Variants in TMPRSS11F observed in about 807,000 individuals in gnomAD.
The protein encoded by TMPRSS11F is transmembrane protease serine 11F.
In TMPRSS11F, 47 loss-of-function variants were observed where a neutral mutation model predicts 60.2. The ratio of observed to expected loss-of-function variants is 0.78; its 90% CI spans 0.62 to 1.00. The LOEUF (loss-of-function observed/expected upper bound fraction) is 1.00, where lower values mean the gene tolerates loss of function less well. Ranked by LOEUF, TMPRSS11F falls within the 50% of genes least tolerant of loss-of-function variation. TMPRSS11F has a pLI of 0.00. For synonymous variants in TMPRSS11F, 166 were observed against 167.3 expected, an observed-to-expected ratio of 0.99 and a Z score of 0.06; for missense variants, 519 against 522.9, an observed-to-expected ratio of 0.99 and a Z score of 0.07.
intron 1 of TMPRSS11F, among the ~76,000 whole-genome samples, chr4:68,100,545 G>A (rs570737753): frequency 6.2e-4 from 95 of 152,224 alleles, no homozygotes; most frequent in African/African-American, 2.3e-3. Flanking sequence ...TTGATCAGCT[G>A]TGGGACAAGA....
intron 9 of TMPRSS11F, 95 bp downstream of exon 9, chr4:68,059,231 C>T (rs996051865): frequency 4.6e-6 from 6 of 1,292,578 alleles, no homozygotes; most frequent in South Asian, 4.4e-5. Context: ...GTAAGAGATG[C>T]CATTTTTTTT....
chr4:68,080,472 A>T (rs374004037), intron 3 of TMPRSS11F: 1 of 152,272 alleles, frequency 6.6e-6, no homozygotes, highest in Non-Finnish European at 1.5e-5. Context: ...TCACACCTGC[A>T]CTTCTCCAGA....
chr4:68,111,443 T>C (rs935830250), intron 1 of TMPRSS11F, among the ~76,000 whole-genome samples: 2 of 152,156 alleles, frequency 1.3e-5, no homozygotes, highest in Non-Finnish European at 2.9e-5. Flanking sequence ...GTATATGCTC[T>C]CTATACCCTT....
Position 68,074,572 on chromosome 4 carries a change from T to C in TMPRSS11F, c.283-563A>G, listed in dbSNP as rs190123761. On this transcript the variant is annotated intron_variant, in intron 3 of 9. Coordinates refer to ENST00000356291, the MANE Select transcript of TMPRSS11F (RefSeq NM_207407.2). Reference sequence around the variant, plus strand: ...ACCATTTGACATGACTTGAAATGACTTCTGCCATGTGACTCTGACACCCTC... The same window carrying C: ...ACCATTTGACATGACTTGAAATGACCTCTGCCATGTGACTCTGACACCCTC... Among the ~76,000 whole-genome samples the C allele has an allele frequency of 1.3e-3, 205 of 152,330 alleles. 2 individuals carry two copies. Among genetic ancestry groups the C allele is most frequent in the Admixed American group, 0.011 (166 of 15,302 alleles).
intron 1 of TMPRSS11F, among the ~76,000 whole-genome samples, chr4:68,113,597 G>A (rs372335134): frequency 1.1e-4 from 16 of 152,238 alleles, no homozygotes; most frequent in East Asian, 3.9e-4. Context: ...AAAACGATCC[G>A]TAAATGTGTA....
intron 1 of TMPRSS11F, among the ~76,000 whole-genome samples, chr4:68,122,589 A>G (rs1724643134): frequency 6.6e-6 from 1 of 152,208 alleles, no homozygotes; most frequent in Admixed American, 6.5e-5. Flanking sequence ...TCTAATAGGT[A>G]GATTCCATCC....
intron 7 of TMPRSS11F, among the ~76,000 whole-genome samples, chr4:68,066,117 A>G (rs1467043398): frequency 8.4e-5 from 1 of 11,968 alleles, no homozygotes; most frequent in African/African-American, 1.9e-4. Context: ...AGACTGTCTC[A>G]AAAAAAAAAA....
rs1290728451 is a variant in TMPRSS11F, at chr4:68,090,516, A to G, written c.282+7T>C. Reference sequence around the variant, plus strand: ...TAATAAACATTTAAAATTTCTGTTGAGCTTACCATTCTTTCAATCTGATGA... The same window carrying G: ...TAATAAACATTTAAAATTTCTGTTGGGCTTACCATTCTTTCAATCTGATGA... On this transcript the variant is annotated splice_region_variant and intron_variant, in intron 3 of 9. Coordinates refer to ENST00000356291, the MANE Select transcript of TMPRSS11F (RefSeq NM_207407.2). 4.4e-6 allele frequency: 7 copies of G among 1,577,248 alleles called. No individual in the cohort carries two copies. The highest frequency in any genetic ancestry group is 6.0e-6 in the Non-Finnish European group (7 of 1,165,254).
chr4:68,094,462 G>C (rs1170268114), intron 2 of TMPRSS11F, among the ~76,000 whole-genome samples: 3 of 145,516 alleles, frequency 2.1e-5, no homozygotes, highest in Non-Finnish European at 4.6e-5. Flanking sequence ...TGACCAGTTA[G>C]TGGGTGCAGC....
At chr4:68,101,767 C>G (rs1724195070) in intron 1 of TMPRSS11F, among the ~76,000 whole-genome samples, 1 of 152,074 alleles carries the variant, frequency 6.6e-6, no homozygotes, top group Admixed American at 6.6e-5. Context: ...ATAGATAGTT[C>G]AGAGGTTTCT....
chr4:68,093,500 T>C (rs1393099789), intron 2 of TMPRSS11F, among the ~76,000 whole-genome samples: 13 of 152,164 alleles, frequency 8.5e-5, no homozygotes. Context: ...AAGGACTTCA[T>C]GTCTAAAACA....
intron 8 of TMPRSS11F, chr4:68,062,620 T>C (rs1372565960): frequency 2.4e-6 from 2 of 847,500 alleles, no homozygotes. Flanking sequence ...AGTGATTGAG[T>C]TCTTCTCCAG....
intron 9 of TMPRSS11F, among the ~76,000 whole-genome samples, chr4:68,055,644 T>C (rs1220432304): frequency 6.6e-6 from 1 of 152,108 alleles, no homozygotes; most frequent in Admixed American, 6.6e-5. Flanking sequence ...CTACCAAGCA[T>C]CTAAAGAAGA....
Position 68,094,454 on chromosome 4 carries a change from A to G in TMPRSS11F, c.164-3813T>C, listed in dbSNP as rs1344517086. ...TGGGAGATATACCTAAGGCTAGATG[A>G]CCAGTTAGTGGGTGCAGCGCACCAG... On this transcript the variant is annotated intron_variant, in intron 2 of 9. Coordinates refer to ENST00000356291, the MANE Select transcript of TMPRSS11F (RefSeq NM_207407.2). 5.6e-5 allele frequency among the ~76,000 whole-genome samples: 8 copies of G among 142,704 alleles called. No individual in the cohort carries two copies. In the Admixed American group the frequency reaches 5.6e-4, roughly 10 times the overall value. The allele number at this position is 142,704 out of a possible 152,430, so 93.6% of individuals were successfully genotyped here.
At chr4:68,103,545 A>G (rs190357795) in intron 1 of TMPRSS11F, among the ~76,000 whole-genome samples, 50 of 152,246 alleles carry the variant, frequency 3.3e-4, no homozygotes, top group South Asian at 1.7e-3. Context: ...CCAGCATCAC[A>G]CTGTTTTGAT....
chr4:68,057,331 C>T lies in TMPRSS11F; in HGVS notation c.1158+1995G>A, dbSNP rs1157599874. 4.7e-5 allele frequency among the ~76,000 whole-genome samples: 7 copies of T among 150,326 alleles called. No individual in the cohort carries two copies. The South Asian group carries it at 1.3e-3, about 27-fold the overall frequency. The stretch of plus-strand genomic sequence containing the variant: ...AAGAAGAATGAAATTAGACCCTTAC[C>T]CTTACACCATGCACAAAAAGAAACT... On this transcript the variant is annotated intron_variant, in intron 9 of 9. Coordinates refer to ENST00000356291, the MANE Select transcript of TMPRSS11F (RefSeq NM_207407.2).
intron 2 of TMPRSS11F, among the ~76,000 whole-genome samples, chr4:68,093,706 AAAAC>A (rs1395623947): frequency 3.9e-5 from 6 of 151,924 alleles, no homozygotes; most frequent in South Asian, 2.1e-4. Context: ...TTACAAGAAA[AAAAC>A]AAACAACCCC....
chr4:68,127,184 T>TCTCA (rs1724727978), intron 1 of TMPRSS11F, among the ~76,000 whole-genome samples: 1 of 152,172 alleles, frequency 6.6e-6, no homozygotes, highest in Non-Finnish European at 1.5e-5. Context: ...TGTGAGTGTA[T>TCTCA]CTCAAGTCTC....
rs761107822 is a variant in TMPRSS11F at position 68,070,110 on chromosome 4, A to T, written c.515-103T>A. On this transcript the variant is annotated intron_variant, in intron 5 of 9. Transcript: ENST00000356291. ...AATAGAAATGTGAATTATCTAAAGC[A>T]TACATATTTCAAGAGAATATGAGAT... The T allele has an allele frequency of 9.6e-5, 85 of 887,694 alleles. 1 individual carries two copies. Among genetic ancestry groups the T allele is most frequent in the Non-Finnish European group, 1.4e-4 (81 of 578,158 alleles). 55.0% of individuals were successfully genotyped at this position (887,694 alleles called of 1,614,324 possible). A position where few individuals can be genotyped will look rare whatever the true frequency, so the allele number is the denominator to read the frequency against.
Sources: allele counts gnomAD v4.1 joint callset (sites outside exome capture counted in the v4.1 genomes callset), GRCh38; gene constraint gnomAD v4.1.1; transcripts MANE v1.5; gene names NCBI Gene and HGNC (gene_info 2026-07-23, HGNC 2026-07-21).